DLGAP2: variants seen among roughly 807,000 people sequenced by gnomAD.
The protein encoded by DLGAP2 is disks large-associated protein 2.
A neutral mutation model predicts 100.3 loss-of-function variants in DLGAP2; 26 were observed. That is an observed-to-expected ratio of 0.26 (90% CI 0.19 to 0.36). DLGAP2 has a LOEUF of 0.36. Among genes scored for constraint, DLGAP2 ranks in the 10% least tolerant of loss-of-function variants. DLGAP2 has a pLI of 1.00. For synonymous variants in DLGAP2, 886 were observed against 630.1 expected (o/e 1.41, Z -6.08); for missense variants, 1,858 against 1,453.2 (o/e 1.28, Z -4.53).
intron 2 of DLGAP2, among the ~76,000 whole-genome samples, chr8:1,090,767 GTTGTTA>G (rs1333043673): frequency 1.3e-5 from 2 of 152,092 alleles, no homozygotes; most frequent in Non-Finnish European, 2.9e-5. Context: ...TGTTGTTGTT[GTTGTTA>G]TTATTATTTA....
intron 6 of DLGAP2, among the ~76,000 whole-genome samples, chr8:1,578,392 G>C (rs893344529): frequency 6.6e-6 from 1 of 152,148 alleles, no homozygotes; most frequent in African/African-American, 2.4e-5. Context: ...CCAAGTCCTT[G>C]GGAGGCTCTG....
intron 2 of DLGAP2, among the ~76,000 whole-genome samples, chr8:1,131,602 C>T (rs1435484729): frequency 6.6e-6 from 1 of 152,018 alleles, no homozygotes; most frequent in Non-Finnish European, 1.5e-5. Flanking sequence ...TTTAGGGGGA[C>T]ACGAACACCT....
intron 2 of DLGAP2, among the ~76,000 whole-genome samples, chr8:1,037,412 G>T (rs1300027008): frequency 6.6e-6 from 1 of 152,092 alleles, no homozygotes; most frequent in Non-Finnish European, 1.5e-5. Context: ...GACTCAGACT[G>T]TGAAGGGGCC....
chr8:1,242,187 C>T (rs777050346), intron 2 of DLGAP2, among the ~76,000 whole-genome samples: 19 of 152,170 alleles, frequency 1.2e-4, no homozygotes, highest in African/African-American at 3.9e-4. Context: ...TTAGTTTATC[C>T]AGTTTGCTGG....
chr8:1,489,207 G>C (rs189944033), intron 3 of DLGAP2, among the ~76,000 whole-genome samples: 1 of 152,166 alleles, frequency 6.6e-6, no homozygotes, highest in Non-Finnish European at 1.5e-5. Flanking sequence ...TCGAGAATGC[G>C]ACTAGTGTGC....
chr8:1,146,036 G>A (rs889025960), intron 2 of DLGAP2, among the ~76,000 whole-genome samples: 2 of 151,956 alleles, frequency 1.3e-5, no homozygotes, highest in African/African-American at 4.8e-5. Flanking sequence ...CAGGATGCCG[G>A]GTGGCAGAGC....
chr8:1,565,624 C>G (rs1237227075), intron 5 of DLGAP2, 59 bp from the exon 6 acceptor site: 11 of 1,384,942 alleles, frequency 7.9e-6, no homozygotes, highest in Non-Finnish European at 1.1e-5. Flanking sequence ...CAAAAAGGAG[C>G]TGATGCTGCC....
intron 3 of DLGAP2, among the ~76,000 whole-genome samples, chr8:1,329,336 A>C (rs1300094225): frequency 6.6e-6 from 1 of 152,212 alleles, no homozygotes; most frequent in Non-Finnish European, 1.5e-5. Flanking sequence ...TGGCTGATTG[A>C]GATTAAATGG....
At chr8:918,516 ACGCTGTGTCTGTGCCC>A (rs1481947895) in intron 2 of DLGAP2, among the ~76,000 whole-genome samples, 1 of 152,180 alleles carries the variant, frequency 6.6e-6, no homozygotes, top group Admixed American at 6.5e-5. Flanking sequence ...TGTCTGTGCC[ACGCTGTGTCTGTGCCC>A]CGCTGTGTCT....
intron 3 of DLGAP2, among the ~76,000 whole-genome samples, chr8:1,499,941 G>T (rs533892422): frequency 8.5e-6 from 1 of 117,976 alleles, no homozygotes; most frequent in Admixed American, 1.3e-4. Flanking sequence ...AAATAAATCC[G>T]TTTGCAGACT....
At chr8:899,227 C>G (rs754724767) in intron 1 of DLGAP2, among the ~76,000 whole-genome samples, 1 of 152,236 alleles carries the variant, frequency 6.6e-6, no homozygotes, top group Non-Finnish European at 1.5e-5. Flanking sequence ...CAGTCCTCAG[C>G]TGCCCTACGA....
intron 2 of DLGAP2, among the ~76,000 whole-genome samples, chr8:1,211,778 G>A (rs1472066433): frequency 6.6e-6 from 1 of 152,240 alleles, no homozygotes; most frequent in African/African-American, 2.4e-5. Flanking sequence ...AGGAGGCTGA[G>A]GCAGGAGAAT....
chr8:1,500,164 C>T (rs1351584928), intron 3 of DLGAP2, among the ~76,000 whole-genome samples: 2 of 152,214 alleles, frequency 1.3e-5, no homozygotes, highest in Non-Finnish European at 2.9e-5. Context: ...TTCTGATACC[C>T]CATAAATAAC....
At chr8:1,250,101 G>A (rs995456096) in intron 2 of DLGAP2, among the ~76,000 whole-genome samples, 5 of 152,088 alleles carry the variant, frequency 3.3e-5, no homozygotes, top group African/African-American at 4.8e-5. Context: ...GGCTGGTCTC[G>A]ATCTCCTGAC....
intron 12 of DLGAP2, among the ~76,000 whole-genome samples, chr8:1,681,161 G>T (rs1798934341): frequency 6.6e-6 from 1 of 152,050 alleles, no homozygotes; most frequent in Non-Finnish European, 1.5e-5. Flanking sequence ...ATCCCATTCG[G>T]GACACATTCA....
chr8:1,076,313 G>C (rs1462066929), intron 2 of DLGAP2, among the ~76,000 whole-genome samples: 2 of 152,238 alleles, frequency 1.3e-5, no homozygotes, highest in Non-Finnish European at 2.9e-5. Flanking sequence ...AGCTCACACG[G>C]CACTGACACA....
chr8:1,230,030 C>A (rs938826916), intron 2 of DLGAP2, among the ~76,000 whole-genome samples: 6 of 152,038 alleles, frequency 3.9e-5, no homozygotes, highest in African/African-American at 1.2e-4. Context: ...GGCAAGAAAA[C>A]GTAGTAAAAG....
intron 1 of DLGAP2, among the ~76,000 whole-genome samples, chr8:781,293 T>C (rs1341855400): frequency 1.3e-5 from 2 of 152,234 alleles, no homozygotes; most frequent in South Asian, 2.1e-4. Context: ...GTTTTCTCTA[T>C]TATTTAAATG....
chr8:821,143 TA>T (rs1293570038), intron 1 of DLGAP2, among the ~76,000 whole-genome samples: 2 of 152,230 alleles, frequency 1.3e-5, no homozygotes, highest in Admixed American at 1.3e-4. Flanking sequence ...CTTACCTTAT[TA>T]GAATTTTACA....
Sources: allele counts gnomAD v4.1 joint callset (sites outside exome capture counted in the v4.1 genomes callset), GRCh38; gene constraint gnomAD v4.1.1; transcripts MANE v1.5; gene names NCBI Gene and HGNC (gene_info 2026-07-23, HGNC 2026-07-21).